Variants in ARHGEF10L observed in about 807,000 individuals in gnomAD.
ARHGEF10L encodes Rho guanine nucleotide exchange factor 10 like, also known as rho guanine nucleotide exchange factor 10-like protein.
In ARHGEF10L, 69 loss-of-function variants were observed where a neutral mutation model predicts 141.2. The ratio of observed to expected loss-of-function variants is 0.49; its 90% CI spans 0.40 to 0.60. The LOEUF is 0.60. Among genes scored for constraint, ARHGEF10L ranks in the 20% least tolerant of loss-of-function variants. ARHGEF10L has a pLI of 0.00. For missense variants in ARHGEF10L, 1,482 were observed against 1,734.3 expected (o/e 0.85, Z 2.58); for synonymous variants, 711 against 718.5 (o/e 0.99, Z 0.17).
At chr1:17,530,951 G>A in the ARHGEF10L span, among the ~76,000 whole-genome samples, 1 of 151,944 alleles carries the variant, frequency 6.6e-6, no homozygotes, top group Admixed American at 6.6e-5. Context: ...GTTGCAATGA[G>A]CCGAGATCGT....
intron 27 of ARHGEF10L, among the ~76,000 whole-genome samples, chr1:17,690,174 G>C (rs1404210576): frequency 1.3e-5 from 2 of 152,170 alleles, no homozygotes; most frequent in Admixed American, 1.3e-4. Context: ...TTGTGTCCCT[G>C]TCCTGGGCCT....
At chr1:17,689,037 C>T (rs1440892688) in intron 27 of ARHGEF10L, among the ~76,000 whole-genome samples, 3 of 152,088 alleles carry the variant, frequency 2.0e-5, no homozygotes, top group Admixed American at 6.6e-5. Context: ...CCTAACCCTG[C>T]GAGCTGGGGA....
chr1:17,687,295 G>T (rs555123338), intron 26 of ARHGEF10L, among the ~76,000 whole-genome samples: 1 of 152,270 alleles, frequency 6.6e-6, no homozygotes, highest in Admixed American at 6.5e-5. Flanking sequence ...CTGGTAGTTT[G>T]CAACTGGCCA....
intron 13 of ARHGEF10L, 22 bp downstream of exon 13, chr1:17,624,525 G>A (rs370764568): frequency 2.0e-5 from 32 of 1,594,062 alleles, no homozygotes; most frequent in African/African-American, 5.4e-5. Context: ...TGGTGGTACC[G>A]TGCCTGGTCA....
chr1:17,587,454 T>G lies in ARHGEF10L; in HGVS notation c.38-6T>G. The stretch of plus-strand genomic sequence containing the variant: ...TGCAGCCTGGCCAACTCCTTCTCTC[T>G]TCCAGGAGATCAGCTGGTTCCAGGA... On this transcript the variant is annotated splice_polypyrimidine_tract_variant and splice_region_variant and intron_variant, in intron 2 of 28. Transcript: ENST00000361221. 1 of 1,611,402 alleles carries G rather than the reference T, an allele frequency of 6.2e-7. No homozygotes were observed. Among genetic ancestry groups the G allele is most frequent in the Non-Finnish European group, 8.5e-7 (1 of 1,178,776 alleles).
rs2061156823 is a variant in ARHGEF10L at position 17,638,692 on chromosome 1, G to A, written c.2171+3G>A. 2.5e-6 allele frequency: 4 copies of A among 1,613,880 alleles called. No individual in the cohort carries two copies. The East Asian group carries it at 8.9e-5, about 36-fold the overall frequency. ...CTGCTTCCTGGGAAACCCGACAAGT[G>A]AGAGGAGGGGGTCTTGGAGGGAGGG... On this transcript the variant is annotated splice_donor_region_variant and intron_variant, in intron 20 of 28. Coordinates refer to ENST00000361221, the MANE Select transcript of ARHGEF10L (RefSeq NM_018125.4).
At chr1:17,588,378 G>A (rs1035245617) in intron 3 of ARHGEF10L, 68 bp from the exon 4 acceptor site, 25 of 1,578,948 alleles carry the variant, frequency 1.6e-5, no homozygotes, top group Middle Eastern at 1.9e-4. Flanking sequence ...GGAAAGGGGC[G>A]GGGAAGGCCT....
intron 26 of ARHGEF10L, among the ~76,000 whole-genome samples, chr1:17,668,106 G>A (rs2063096325): frequency 6.6e-6 from 1 of 152,228 alleles, no homozygotes; most frequent in African/African-American, 2.4e-5. Flanking sequence ...ACATTCAAGC[G>A]AAAGGGCCGT....
rs2062098606 is a variant in ARHGEF10L at position 17,654,258 on chromosome 1, C to T, written c.2395-378C>T. On this transcript the variant is annotated intron_variant, in intron 22 of 28. Transcript: ENST00000361221. This position sits in a 1 kb window ranked among gnomAD's most constrained non-coding sequence, Gnocchi z 4.3. Reference sequence around the variant, plus strand: ...TGCGTGGCCCTCACAAGCCGCCCAGCCCTGCCACTCACCTCCTCTGTGGTC... The same window carrying T: ...TGCGTGGCCCTCACAAGCCGCCCAGTCCTGCCACTCACCTCCTCTGTGGTC... 6.6e-6 allele frequency among the ~76,000 whole-genome samples: 1 copy of T among 152,212 alleles called. No individual in the cohort carries two copies. Among genetic ancestry groups the T allele is most frequent in the East Asian group, 1.9e-4 (1 of 5,192 alleles).
intron 22 of ARHGEF10L, among the ~76,000 whole-genome samples, chr1:17,650,307 G>T (rs981382569): frequency 4.6e-5 from 7 of 152,102 alleles, no homozygotes; most frequent in Non-Finnish European, 1.0e-4. Flanking sequence ...CCAGCTACTT[G>T]GGAGGCTGAG....
At chr1:17,581,329 AAAAG>A (rs1186903472) in intron 2 of ARHGEF10L, among the ~76,000 whole-genome samples, 3 of 150,524 alleles carry the variant, frequency 2.0e-5, no homozygotes, top group South Asian at 4.2e-4. Flanking sequence ...AAAAAAAAAA[AAAAG>A]AAAAGAGAAA....
the ARHGEF10L span, among the ~76,000 whole-genome samples, chr1:17,524,793 ACTCTCCCAGG>A: frequency 6.6e-6 from 1 of 151,606 alleles, no homozygotes; most frequent in African/African-American, 2.4e-5. Flanking sequence ...GGGGAATGGG[ACTCTCCCAGG>A]GTACTCAGGC....
rs1432572789 is a variant in ARHGEF10L at position 17,558,376 on chromosome 1, G to A, written c.-44+18426G>A. On this transcript the variant is annotated intron_variant, in intron 1 of 28. Transcript: ENST00000361221. This position sits in a 1 kb window ranked among gnomAD's most constrained non-coding sequence, Gnocchi z 4.2. ...CCCTGGGTATTGGAGAGACAGAAAT[G>A]AAAGGCATTATTCTTGCCTTCAAGG... is the stretch of plus-strand genomic sequence containing the variant. 6.6e-6 allele frequency among the ~76,000 whole-genome samples: 1 copy of A among 152,226 alleles called. No individual in the cohort carries two copies. The highest frequency in any genetic ancestry group is 2.4e-5 in the African/African-American group (1 of 41,468).
At chr1:17,593,846 G>A (rs1338289669) in intron 4 of ARHGEF10L, among the ~76,000 whole-genome samples, 3 of 151,878 alleles carry the variant, frequency 2.0e-5, no homozygotes, top group African/African-American at 7.3e-5. Context: ...GCACCATTTT[G>A]CAGACCAGAC....
Position 17,697,267 on chromosome 1 carries a change from G to A in ARHGEF10L, c.3727G>A (p.Gly1243Ser), listed in dbSNP as rs1205095867. ...GATTTGCTCTGTGGCCATCATCTCC[G>A]GCGGGCAGGGCTACCGCAACTTTGG... Reference protein sequence around the residue: ...KEICSVAIISGGQGYRNFGSA... With the variant: ...KEICSVAIISSGQGYRNFGSA... Residue 1243 changes from glycine (G) to serine (S), a missense_variant, in exon 29 of 29, where the codon GGC becomes AGC. Around this residue, in one of 3 missense-constraint regions of ARHGEF10L, gnomAD observed 858 missense variants for 966.3 expected, o/e 0.89. Coordinates refer to ENST00000361221, the MANE Select transcript of ARHGEF10L (RefSeq NM_018125.4). The surrounding 1 kb of genome is among the most constrained non-coding windows in gnomAD (Gnocchi z 4.8). 3.1e-6 allele frequency: 5 copies of A among 1,612,712 alleles called. No homozygotes were observed. The highest frequency in any genetic ancestry group is 2.2e-5 in the South Asian group (2 of 91,064).
intron 4 of ARHGEF10L, among the ~76,000 whole-genome samples, chr1:17,591,070 G>A (rs1283625253): frequency 1.3e-5 from 2 of 152,156 alleles, no homozygotes; most frequent in Non-Finnish European, 2.9e-5. Flanking sequence ...TGTCAATAGG[G>A]TTTCTATTGG....
Position 17,627,022 on chromosome 1 carries a change from T to G in ARHGEF10L, c.1411-308T>G, listed in dbSNP as rs2060425805. 1.3e-5 allele frequency among the ~76,000 whole-genome samples: 2 copies of G among 152,240 alleles called. No individual in the cohort carries two copies. Among genetic ancestry groups the G allele is most frequent in the Non-Finnish European group, 2.9e-5 (2 of 68,046 alleles). On this transcript the variant is annotated intron_variant, in intron 14 of 28. Coordinates refer to ENST00000361221, the MANE Select transcript of ARHGEF10L (RefSeq NM_018125.4). The surrounding 1 kb of genome is among the most constrained non-coding windows in gnomAD (Gnocchi z 4.0). ...TACGCGTTAGTCTGTCGACGGACATTTTTGCCTCCACATTTTGGCGACTGT... is the reference window on the plus strand; with the variant it reads ...TACGCGTTAGTCTGTCGACGGACATGTTTGCCTCCACATTTTGGCGACTGT...
At chr1:17,620,764 G>A (rs964675693) in intron 10 of ARHGEF10L, among the ~76,000 whole-genome samples, 6 of 152,174 alleles carry the variant, frequency 3.9e-5, no homozygotes, top group Non-Finnish European at 7.3e-5. Flanking sequence ...ACCCGAGATC[G>A]AGAGGGATGG....
intron 1 of ARHGEF10L, among the ~76,000 whole-genome samples, chr1:17,576,690 G>C (rs755031105): frequency 6.6e-6 from 1 of 152,184 alleles, no homozygotes; most frequent in Admixed American, 6.5e-5. Flanking sequence ...ATGGAGCGTA[G>C]AATTCATCAC....
Sources: gnomAD v4.1 joint callset for allele counts (sites outside exome capture counted in the v4.1 genomes callset) on GRCh38, gnomAD v4.1.1 for gene constraint, gnomAD v4.1.1 regional missense constraint, Gnocchi (gnomAD v3.1) non-coding constraint, MANE v1.5 for transcripts, NCBI Gene and HGNC (gene_info 2026-07-23, HGNC 2026-07-21) for gene names.